The following SPNS3 variants were observed in gnomAD, a reference collection of about 807,000 sequenced individuals.
SPNS3 encodes the protein SPNS lysolipid transporter 3, sphingosine-1-phosphate (putative), also known as protein spinster homolog 3.
A neutral mutation model predicts 54.4 loss-of-function variants in SPNS3; 51 were observed. The ratio of observed to expected loss-of-function variants is 0.94; its 90% CI spans 0.75 to 1.18. The LOEUF is 1.18. SPNS3 is among the 50% of genes most tolerant of loss of function. The pLI, the probability that SPNS3 is intolerant of heterozygous loss-of-function variation, is 0.00. For missense variants in SPNS3, 669 were observed against 677.4 expected, an observed-to-expected ratio of 0.99 and a Z score of 0.14; for synonymous variants, 309 against 294.7, an observed-to-expected ratio of 1.05 and a Z score of -0.50.
intron 1 of SPNS3, among the ~76,000 whole-genome samples, chr17:4,436,989 A>G (rs1382739203): frequency 6.6e-6 from 1 of 152,226 alleles, no homozygotes; most frequent in Non-Finnish European, 1.5e-5. Flanking sequence ...CTGGGCCCTA[A>G]GACCCTGAGT....
At chr17:4,463,864 T>A (rs539683650) in intron 8 of SPNS3, among the ~76,000 whole-genome samples, 38 of 152,274 alleles carry the variant, frequency 2.5e-4, no homozygotes, top group African/African-American at 8.7e-4. Flanking sequence ...TGTATGAGTG[T>A]GTCGATGTGT....
At chr17:4,441,906 C>T (rs1489987801) in intron 2 of SPNS3, among the ~76,000 whole-genome samples, 1 of 151,628 alleles carries the variant, frequency 6.6e-6, no homozygotes, top group Non-Finnish European at 1.5e-5. Context: ...TGAGCCACCA[C>T]ACTGGCCCTT....
At chr17:4,450,870 A>G (rs1971146280) in intron 7 of SPNS3, among the ~76,000 whole-genome samples, 1 of 150,766 alleles carries the variant, frequency 6.6e-6, no homozygotes, top group South Asian at 2.1e-4. Flanking sequence ...AGCCTCCCGA[A>G]GTGCTGGAAT....
intron 2 of SPNS3, among the ~76,000 whole-genome samples, chr17:4,442,741 C>T (rs1252204627): frequency 6.6e-6 from 1 of 152,150 alleles, no homozygotes; most frequent in African/African-American, 2.4e-5. Context: ...GACAATCCCA[C>T]CAGGCAGGTT....
chr17:4,469,076 C>T (rs982319949), intron 8 of SPNS3, among the ~76,000 whole-genome samples: 4 of 151,896 alleles, frequency 2.6e-5, no homozygotes, highest in Non-Finnish European at 5.9e-5. Context: ...GTGTGAGCCA[C>T]TGCGCCCGGC....
intron 8 of SPNS3, among the ~76,000 whole-genome samples, chr17:4,477,176 G>T (rs776474763): frequency 1.3e-5 from 2 of 152,184 alleles, no homozygotes; most frequent in Non-Finnish European, 2.9e-5. Flanking sequence ...GGGGGGTGGG[G>T]GGCGCTCACC....
chr17:4,473,525 T>C (rs1971912622), intron 8 of SPNS3, among the ~76,000 whole-genome samples: 2 of 151,822 alleles, frequency 1.3e-5, no homozygotes, highest in Non-Finnish European at 2.9e-5. Context: ...GTAGCTGGGA[T>C]TACAGGCACC....
intron 8 of SPNS3, among the ~76,000 whole-genome samples, chr17:4,474,791 G>A (rs1446831910): frequency 3.3e-5 from 5 of 152,120 alleles, no homozygotes; most frequent in East Asian, 3.9e-4. Flanking sequence ...GCTGTTTTTC[G>A]GCAAGTCCAC....
rs543750714 is a variant in SPNS3 at position 4,443,604 on chromosome 17, A to C, written c.266-1428A>C. ...TTTTACTTAATTCTCTCAGTAACCA[A>C]ACAAGGGAATAGCACTGTTGATGAA... On this transcript the variant is annotated intron_variant, in intron 2 of 11. Transcript: ENST00000355530. Among the ~76,000 whole-genome samples, 3 of 152,330 alleles carry C rather than the reference A, an allele frequency of 2.0e-5. No homozygotes were observed. In the East Asian group the frequency reaches 5.8e-4, roughly 29 times the overall value.
At position 4,485,407 on chromosome 17, in the gene SPNS3, T is replaced by A. The variant is rs10451249; in HGVS notation, c.1180-821T>A. On this transcript the variant is annotated intron_variant, in intron 9 of 11. Transcript: ENST00000355530. ...GAGTTCTTTATTTTTTTTATTTTTT[T>A]TTTTTTTGAGATGGGATTTTGCTCT... Among the ~76,000 whole-genome samples, 1,505 of 151,964 alleles carry A rather than the reference T, an allele frequency of 9.9e-3. 24 individuals are homozygous for A. The highest frequency in any genetic ancestry group is 0.032 in the African/African-American group (1,313 of 41,494).
chr17:4,479,227 C>T (rs1490659366), intron 9 of SPNS3, among the ~76,000 whole-genome samples: 2 of 152,250 alleles, frequency 1.3e-5, no homozygotes, highest in Non-Finnish European at 2.9e-5. Flanking sequence ...AGGCGTGAGC[C>T]ACCGTGCCTG....
rs766677447 is a variant in SPNS3 at position 4,487,879 on chromosome 17, T to C, written c.1524T>C (p.Ser508=). 1 of 1,614,026 alleles carries C rather than the reference T, an allele frequency of 6.2e-7. No individual in the cohort carries two copies. Among genetic ancestry groups the C allele is most frequent in the Non-Finnish European group, 8.5e-7 (1 of 1,179,872 alleles). ...RQGLLSGAGA[S]TEEP The stretch of plus-strand genomic sequence containing the variant: ...GCCTACTTTCGGGCGCTGGCGCCTC[T>C]ACAGAGGAGCCCTGAGGTCCCTGCC... Residue 508 remains serine (S), a synonymous_variant, in exon 12 of 12, where the codon TCT becomes TCC. Transcript: ENST00000355530.
intron 11 of SPNS3, 54 bp from the exon 12 acceptor site, chr17:4,487,752 T>C: frequency 6.4e-7 from 1 of 1,562,278 alleles, no homozygotes; most frequent in Non-Finnish European, 8.8e-7. Flanking sequence ...CCAGGCCTGG[T>C]CCCAAAGCAC....
chr17:4,446,202 T>C lies in SPNS3; in HGVS notation c.554+3T>C. The C allele has an allele frequency of 6.2e-7, 1 of 1,607,482 alleles. No homozygotes were observed. The highest frequency in any genetic ancestry group is 8.5e-7 in the Non-Finnish European group (1 of 1,175,192). ...TACATCTTTATCCCCGTTGGAAGGT[T>C]GGTATCACCCGTGGGTCTACTTCCC... is the stretch of plus-strand genomic sequence containing the variant. On this transcript the variant is annotated splice_donor_region_variant and intron_variant, in intron 4 of 11. Coordinates refer to ENST00000355530, the MANE Select transcript of SPNS3 (RefSeq NM_182538.5).
intron 3 of SPNS3, among the ~76,000 whole-genome samples, chr17:4,445,668 T>A (rs938550973): frequency 6.6e-6 from 1 of 152,106 alleles, no homozygotes; most frequent in Non-Finnish European, 1.5e-5. Context: ...TGAGCCACCA[T>A]GCCTGGCCAA....
chr17:4,454,953 G>A (rs893582210), intron 8 of SPNS3, among the ~76,000 whole-genome samples: 1 of 147,496 alleles, frequency 6.8e-6, no homozygotes, highest in Non-Finnish European at 1.5e-5. Context: ...TCACCCTGTT[G>A]CCCAGGCTGG....
intron 2 of SPNS3, among the ~76,000 whole-genome samples, chr17:4,444,395 T>C (rs2144016999): frequency 6.6e-6 from 1 of 152,034 alleles, no homozygotes; most frequent in South Asian, 2.1e-4. Context: ...TTTTGTATTT[T>C]TTTTTTTAGT....
intron 1 of SPNS3, among the ~76,000 whole-genome samples, chr17:4,437,978 G>T (rs965718750): frequency 4.6e-5 from 7 of 152,128 alleles, no homozygotes; most frequent in Admixed American, 2.0e-4. Flanking sequence ...AAATAGAGAT[G>T]GGATTTCACT....
intron 7 of SPNS3, 84 bp from the exon 8 acceptor site, chr17:4,452,932 C>A: frequency 7.2e-7 from 1 of 1,380,776 alleles, no homozygotes; most frequent in Non-Finnish European, 1.0e-6. Context: ...AGCCGAGGGG[C>A]TAGACCTGGG....
Sources: gnomAD v4.1 joint callset for allele counts (sites outside exome capture counted in the v4.1 genomes callset) on GRCh38, gnomAD v4.1.1 for gene constraint, MANE v1.5 for transcripts, NCBI Gene and HGNC (gene_info 2026-07-23, HGNC 2026-07-21) for gene names.